Variants in IP6K2 observed in about 807,000 individuals in gnomAD.
IP6K2 encodes inositol hexakisphosphate kinase 2.
Under a neutral mutation model 43.3 loss-of-function variants are expected in IP6K2, and 9 were observed. That is an observed-to-expected ratio of 0.21 (90% CI 0.13 to 0.36). The LOEUF (loss-of-function observed/expected upper bound fraction) is 0.36, where lower values mean the gene tolerates loss of function less well. IP6K2 is among the 10% of genes least tolerant of loss of function. The pLI, the probability that IP6K2 is intolerant of heterozygous loss-of-function variation, is 1.00. For synonymous variants in IP6K2, 209 were observed against 202.4 expected (o/e 1.03, Z -0.28); for missense variants, 332 against 538.4 (o/e 0.62, Z 3.79).
At chr3:48,697,924 A>G (rs566983307) in intron 1 of IP6K2, among the ~76,000 whole-genome samples, 1 of 152,190 alleles carries the variant, frequency 6.6e-6, no homozygotes, top group Non-Finnish European at 1.5e-5. Flanking sequence ...GTACCCGACT[A>G]TGGGCCTCAA....
chr3:48,706,174 T>G (rs2079757014), intron 1 of IP6K2, among the ~76,000 whole-genome samples: 1 of 151,736 alleles, frequency 6.6e-6, no homozygotes, highest in African/African-American at 2.4e-5. Context: ...GCCATTGCAC[T>G]CCAGCCTGAG....
At position 48,688,382 on chromosome 3, in the gene IP6K2, A is replaced by T; in HGVS notation, c.1172T>A (p.Leu391Gln). 6.2e-7 allele frequency: 1 copy of T among 1,614,216 alleles called. No homozygotes were observed. Among genetic ancestry groups the T allele is most frequent in the Non-Finnish European group, 8.5e-7 (1 of 1,180,042 alleles). Residue 391 changes from leucine to glutamine, a missense_variant, in exon 6 of 6, where the codon CTG (leucine) becomes CAG (glutamine). Transcript: ENST00000328631. The surrounding 1 kb of genome is among the most constrained non-coding windows in gnomAD (Gnocchi z 5.1). ...MIDFAHTTCR[L>Q]YGEDTVVHEG... ...ATGCACCACGGTGTCCTCGCCATAC[A>T]GCCTGCAGGTGGTGTGTGCAAAGTC...
chr3:48,695,876 A>C lies in IP6K2; in HGVS notation c.-130-455T>G, dbSNP rs997273145. On this transcript the variant is annotated intron_variant, in intron 1 of 5. Coordinates refer to ENST00000328631, the MANE Select transcript of IP6K2 (RefSeq NM_016291.4). This position sits in a 1 kb window ranked among gnomAD's most constrained non-coding sequence, Gnocchi z 4.6. ...ATATATAAAATAAATATATATATAT[A>C]ATTTTTTAATATATATAATTTTTTT... Among the ~76,000 whole-genome samples, 5 of 147,496 alleles carry C rather than the reference A, an allele frequency of 3.4e-5. No individual in the cohort carries two copies. Among genetic ancestry groups the C allele is most frequent in the Admixed American group, 2.7e-4 (4 of 14,728 alleles).
At chr3:48,700,618 A>C (rs1233458645) in intron 1 of IP6K2, among the ~76,000 whole-genome samples, 1 of 152,154 alleles carries the variant, frequency 6.6e-6, no homozygotes, top group African/African-American at 2.4e-5. Flanking sequence ...AAATCTATCA[A>C]ATTGGTTTAA....
chr3:48,711,598 T>C (rs1483607707), intron 1 of IP6K2: 3 of 152,228 alleles, frequency 2.0e-5, no homozygotes, highest in Non-Finnish European at 4.4e-5. Context: ...GAACAGATAC[T>C]GTTCAAGGAA....
chr3:48,715,623 A>G (rs2081103229), intron 1 of IP6K2: 1 of 641,362 alleles, frequency 1.6e-6, no homozygotes. Context: ...GCCCTGCATA[A>G]AAAACAAACC....
At chr3:48,711,107 C>T (rs1056107671) in intron 1 of IP6K2, among the ~76,000 whole-genome samples, 10 of 152,076 alleles carry the variant, frequency 6.6e-5, no homozygotes, top group Non-Finnish European at 1.2e-4. Flanking sequence ...GACAAGGTTT[C>T]GCCACGTTGC....
intron 1 of IP6K2, among the ~76,000 whole-genome samples, chr3:48,700,990 GGAAAAC>G (rs2078959071): frequency 6.6e-6 from 1 of 152,176 alleles, no homozygotes; most frequent in Non-Finnish European, 1.5e-5. Flanking sequence ...AAGCCACTTT[GGAAAAC>G]AGTCTGGCAG....
At chr3:48,689,862 C>T in intron 4 of IP6K2, 149 bp from the exon 5 acceptor site, 1 of 641,640 alleles carries the variant, frequency 1.6e-6, no homozygotes, top group South Asian at 2.0e-5. Flanking sequence ...CACAGGGAGT[C>T]CAGAGCTGAC....
intron 1 of IP6K2, among the ~76,000 whole-genome samples, chr3:48,716,011 T>G (rs1278026370): frequency 6.6e-6 from 1 of 152,110 alleles, no homozygotes; most frequent in African/African-American, 2.4e-5. Context: ...TTTCTAACTC[T>G]GATAGTGGCT....
chr3:48,694,060 G>T lies in IP6K2; in HGVS notation c.203-881C>A. On this transcript the variant is annotated intron_variant, in intron 2 of 5. Coordinates refer to ENST00000328631, the MANE Select transcript of IP6K2 (RefSeq NM_016291.4). ...GCATCACTCAATCTGCTCAGTCCTC[G>T]ACTGCTGCAGGGGAATGCGTGCTCA... 2.1e-6 allele frequency: 3 copies of T among 1,454,898 alleles called. No individual in the cohort carries two copies. The South Asian group carries it at 4.4e-5, about 22-fold the overall frequency. The allele number at this position is 1,454,898 out of a possible 1,614,324, so 90.1% of individuals were successfully genotyped here. A position where few individuals can be genotyped will look rare whatever the true frequency, so the allele number is the denominator to read the frequency against.
chr3:48,702,990 C>A (rs1307171277), intron 1 of IP6K2, among the ~76,000 whole-genome samples: 2 of 152,208 alleles, frequency 1.3e-5, no homozygotes, highest in East Asian at 1.9e-4. Context: ...ATGGTGAGTA[C>A]AATTATTAAA....
intron 1 of IP6K2, among the ~76,000 whole-genome samples, chr3:48,704,663 G>A (rs2079487572): frequency 6.6e-6 from 1 of 152,084 alleles, no homozygotes; most frequent in Non-Finnish European, 1.5e-5. Context: ...TGTAGAGACG[G>A]GGTTTTGCTA....
In IP6K2 at chr3:48,688,711, C is replaced by T. The variant is rs746778515; in HGVS notation, c.843G>A (p.Ser281=). 6.2e-6 allele frequency: 10 copies of T among 1,614,026 alleles called. No homozygotes were observed. Among genetic ancestry groups the T allele is most frequent in the South Asian group, 1.1e-5 (1 of 91,084 alleles). Residue 281 remains serine, a synonymous_variant, in exon 6 of 6, where the codon TCG becomes TCA. Transcript: ENST00000328631. The surrounding 1 kb of genome is among the most constrained non-coding windows in gnomAD (Gnocchi z 5.1). ...AAAGTGCCTCCTTGAAGCCCTGCAC[C>T]GATAGCTTCCGTCCATGGTACTTGT... The part of the protein sequence containing the change: ...FMNKYHGRKL[S]VQGFKEALFQ...
intron 1 of IP6K2, among the ~76,000 whole-genome samples, chr3:48,715,108 C>A (rs2081045464): frequency 6.6e-6 from 1 of 152,046 alleles, no homozygotes; most frequent in Admixed American, 6.6e-5. Flanking sequence ...ATATGGTACA[C>A]AAATAGGCAA....
At position 48,694,844 on chromosome 3, in the gene IP6K2, A is replaced by ACACT; in HGVS notation, c.202+242_202+245dup. 3 of 1,536,978 alleles carry ACACT rather than the reference A, an allele frequency of 2.0e-6. No homozygotes were observed. The South Asian group carries it at 3.6e-5, about 18-fold the overall frequency. On this transcript the variant is annotated intron_variant, in intron 2 of 5. Transcript: ENST00000328631. ...AGACACCTGAACATAAAACACAACT[A>ACACT]CACTTCTACCAAAATCAAACTCAAA...
At chr3:48,704,422 G>A (rs2079452444) in intron 1 of IP6K2, among the ~76,000 whole-genome samples, 2 of 151,790 alleles carry the variant, frequency 1.3e-5, no homozygotes, top group Non-Finnish European at 2.9e-5. Context: ...ATAGCATGAA[G>A]AGCTTTCTTA....
intron 1 of IP6K2, among the ~76,000 whole-genome samples, chr3:48,707,365 C>G (rs1043689783): frequency 6.6e-6 from 1 of 152,204 alleles, no homozygotes. Flanking sequence ...CACAACACCA[C>G]AACACGCACT....
At chr3:48,702,217 C>T (rs1386858003) in intron 1 of IP6K2, among the ~76,000 whole-genome samples, 3 of 151,878 alleles carry the variant, frequency 2.0e-5, no homozygotes, top group East Asian at 1.9e-4. Flanking sequence ...GGCAAAAGAG[C>T]GAGACTCCAT....
Sources: allele counts gnomAD v4.1 joint callset (sites outside exome capture counted in the v4.1 genomes callset), GRCh38; gene constraint gnomAD v4.1.1; non-coding constraint Gnocchi (gnomAD v3.1); transcripts MANE v1.5; gene names NCBI Gene and HGNC (gene_info 2026-07-23, HGNC 2026-07-21).